The following AOPEP variants were observed in gnomAD, a reference collection of about 807,000 sequenced individuals.
AOPEP encodes aminopeptidase O.
In AOPEP, 77 loss-of-function variants were observed where a neutral mutation model predicts 98.1. The ratio of observed to expected loss-of-function variants is 0.78; its 90% CI spans 0.65 to 0.95. The LOEUF is 0.95. Ranked by LOEUF, AOPEP falls within the 40% of genes least tolerant of loss-of-function variation. The pLI, the probability that AOPEP is intolerant of heterozygous loss-of-function variation, is 0.00. For synonymous variants in AOPEP, 346 were observed against 365.3 expected (o/e 0.95, Z 0.60); for missense variants, 1,024 against 1,024.7 (o/e 1.00, Z 0.01).
rs536514431 is a variant in AOPEP, at chr9:94,865,072, A to G, written c.1365-58914A>G. 9.8e-5 allele frequency among the ~76,000 whole-genome samples: 15 copies of G among 152,320 alleles called. No homozygotes were observed. In the East Asian group the frequency reaches 2.5e-3, roughly 25 times the overall value. ...CACTAATTTTCAGCTATTTAAATCC[A>G]TGGTTTATCATCTCCTAACTATGAT... On this transcript the variant is annotated intron_variant, in intron 5 of 16. Transcript: ENST00000375315.
At chr9:94,782,487 ATTCC>A (rs1843513184) in intron 3 of AOPEP, among the ~76,000 whole-genome samples, 1 of 152,188 alleles carries the variant, frequency 6.6e-6, no homozygotes, top group Non-Finnish European at 1.5e-5. Flanking sequence ...TGTGTGGGAA[ATTCC>A]AGGAAAAAGC....
intron 9 of AOPEP, among the ~76,000 whole-genome samples, chr9:94,962,966 G>A (rs1333378001): frequency 1.3e-5 from 2 of 151,870 alleles, no homozygotes; most frequent in Non-Finnish European, 2.9e-5. Flanking sequence ...GGATGGTCTC[G>A]ACCTCCTGAC....
intron 7 of AOPEP, among the ~76,000 whole-genome samples, chr9:94,936,409 A>G (rs950305116): frequency 6.6e-6 from 1 of 152,190 alleles, no homozygotes. Flanking sequence ...AGGCCAACAT[A>G]AATTTATCTT....
At chr9:94,952,568 A>T (rs2058177286) in intron 7 of AOPEP, among the ~76,000 whole-genome samples, 1 of 152,156 alleles carries the variant, frequency 6.6e-6, no homozygotes, top group Non-Finnish European at 1.5e-5. Flanking sequence ...GACCTGTGAG[A>T]GTCATCTGTG....
chr9:94,931,010 C>T (rs558610613), intron 7 of AOPEP, among the ~76,000 whole-genome samples: 13 of 152,308 alleles, frequency 8.5e-5, no homozygotes, highest in Non-Finnish European at 1.3e-4. Flanking sequence ...ATTTCCATTA[C>T]GTCTCTTAGT....
At chr9:95,028,581 T>C (rs965061056) in intron 13 of AOPEP, among the ~76,000 whole-genome samples, 9 of 152,224 alleles carry the variant, frequency 5.9e-5, no homozygotes, top group African/African-American at 2.2e-4. Context: ...GAAGATTGTA[T>C]TTTGTTGAAT....
intron 5 of AOPEP, among the ~76,000 whole-genome samples, chr9:94,811,469 C>T (rs1350588028): frequency 6.6e-6 from 1 of 152,190 alleles, no homozygotes. Context: ...TCCCTCCCTG[C>T]CCCCAGACCT....
At chr9:94,984,847 G>A (rs1013037407) in intron 11 of AOPEP, among the ~76,000 whole-genome samples, 5 of 152,166 alleles carry the variant, frequency 3.3e-5, no homozygotes, top group African/African-American at 7.2e-5. Context: ...TGTCAAATGC[G>A]GGGTAAAGAT....
chr9:95,146,389 G>A, the AOPEP span, among the ~76,000 whole-genome samples: 29,320 of 149,610 alleles, frequency 0.2, 2,982 homozygotes, highest in Middle Eastern at 0.3. Context: ...TCAGGAGGCT[G>A]AGGTGGGAGG....
chr9:94,959,053 G>GTTTTTGTTTTTTT (rs1554783623), intron 9 of AOPEP, among the ~76,000 whole-genome samples: 20 of 150,642 alleles, frequency 1.3e-4, no homozygotes, highest in African/African-American at 4.7e-4. Flanking sequence ...TAATGTTTTT[G>GTTTTTGTTTTTTT]TTTTTTTTGA....
At chr9:94,808,179 A>C (rs1849662939) in intron 5 of AOPEP, among the ~76,000 whole-genome samples, 1 of 151,870 alleles carries the variant, frequency 6.6e-6, no homozygotes, top group Non-Finnish European at 1.5e-5. Flanking sequence ...AGCAGGGGCT[A>C]CAGGTGCACG....
At chr9:94,896,546 G>A (rs909072703) in intron 5 of AOPEP, among the ~76,000 whole-genome samples, 1 of 152,208 alleles carries the variant, frequency 6.6e-6, no homozygotes, top group Non-Finnish European at 1.5e-5. Context: ...CAACAGTGAT[G>A]TCATGTTGAT....
chr9:94,802,092 A>G (rs548527109), intron 5 of AOPEP, among the ~76,000 whole-genome samples: 1 of 152,344 alleles, frequency 6.6e-6, no homozygotes, highest in Non-Finnish European at 1.5e-5. Context: ...GGAATGCAGG[A>G]ACTAGGATAA....
At chr9:95,124,334 G>A in the AOPEP span, among the ~76,000 whole-genome samples, 1 of 152,088 alleles carries the variant, frequency 6.6e-6, no homozygotes, top group South Asian at 2.1e-4. Context: ...TTCTGTGGCC[G>A]TTAGAAATCA....
chr9:95,134,065 A>C, the AOPEP span, among the ~76,000 whole-genome samples: 3 of 152,200 alleles, frequency 2.0e-5, no homozygotes, highest in African/African-American at 7.2e-5. Flanking sequence ...TAAACTTTCA[A>C]GTCAGGTGGG....
intron 14 of AOPEP, among the ~76,000 whole-genome samples, chr9:95,074,392 G>A (rs116036752): frequency 0.012 from 1,841 of 152,192 alleles, 40 homozygotes; most frequent in African/African-American, 0.042. Flanking sequence ...CCTGCACCCA[G>A]CCTCAAAGAA....
intron 1 of AOPEP, among the ~76,000 whole-genome samples, chr9:94,731,273 G>GC (rs1830462207): frequency 6.6e-6 from 1 of 151,908 alleles, no homozygotes; most frequent in Non-Finnish European, 1.5e-5. Flanking sequence ...TGTCGCCCAG[G>GC]CTGGAGTGCA....
intron 5 of AOPEP, chr9:94,921,471 CACTGTTGAAGAA>C (rs1487685024): frequency 6.6e-6 from 1 of 152,222 alleles, no homozygotes; most frequent in African/African-American, 2.4e-5. Flanking sequence ...TTTCTTCACT[CACTGTTGAAGAA>C]AAGCAATCTA....
At chr9:95,021,918 T>C (rs1199711724) in intron 13 of AOPEP, 1 of 152,234 alleles carries the variant, frequency 6.6e-6, no homozygotes, top group African/African-American at 2.4e-5. Flanking sequence ...AGAAGGACTA[T>C]TTCTGTTTAG....
Sources: gnomAD v4.1 joint callset for allele counts (sites outside exome capture counted in the v4.1 genomes callset) on GRCh38, gnomAD v4.1.1 for gene constraint, MANE v1.5 for transcripts, NCBI Gene and HGNC (gene_info 2026-07-23, HGNC 2026-07-21) for gene names.